Variants in METTL17 observed in about 807,000 individuals in gnomAD.
METTL17 encodes ribosome assembly protein METTL17, mitochondrial.
A neutral mutation model predicts 59.4 loss-of-function variants in METTL17; 49 were observed. That is an observed-to-expected ratio of 0.82 (90% CI 0.66 to 1.05). METTL17 has a LOEUF of 1.05. Among genes scored for constraint, METTL17 ranks in the 50% least tolerant of loss-of-function variants. The probability of loss-of-function intolerance (pLI) is 0.00; values close to 1 mark genes in which losing one functional copy is unlikely to be tolerated. For synonymous variants in METTL17, 208 were observed against 209.2 expected, an observed-to-expected ratio of 0.99 and a Z score of 0.05; for missense variants, 555 against 578.4, an observed-to-expected ratio of 0.96 and a Z score of 0.41.
intron 3 of METTL17, chr14:20,990,841 T>A: frequency 1.9e-6 from 1 of 521,606 alleles, no homozygotes; most frequent in Non-Finnish European, 3.3e-6. Context: ...GTTGTTTTGT[T>A]TTTGCTTTGA....
At chr14:20,992,284 T>A in intron 4 of METTL17, 79 bp downstream of exon 4, 1 of 901,678 alleles carries the variant, frequency 1.1e-6, no homozygotes, top group Non-Finnish European at 1.8e-6. Context: ...AATTACACAA[T>A]CAATTTAGTA....
At chr14:20,995,759 C>G in intron 10 of METTL17, 142 bp from the exon 11 acceptor site, 1 of 656,206 alleles carries the variant, frequency 1.5e-6, no homozygotes, top group East Asian at 2.7e-5. Context: ...ATTAAAGATG[C>G]AGCCAGCTTA....
At chr14:20,992,028 G>A (rs1272612750) in intron 3 of METTL17, 96 bp from the exon 4 acceptor site, 2 of 1,097,830 alleles carry the variant, frequency 1.8e-6, no homozygotes, top group South Asian at 1.4e-5. Flanking sequence ...TTTCTTAGGT[G>A]GAGTCGGGGA....
At chr14:20,994,945 C>A (rs761361198) in intron 9 of METTL17, 44 bp downstream of exon 9, 1 of 1,441,394 alleles carries the variant, frequency 6.9e-7, no homozygotes, top group Non-Finnish European at 9.7e-7. Flanking sequence ...GAAGCAGCTT[C>A]ATGGATTTCA....
Position 20,996,944 on chromosome 14 carries a change from C to T in METTL17, c.*54C>T. The T allele has an allele frequency of 6.4e-7, 1 of 1,556,480 alleles. No homozygotes were observed. Among genetic ancestry groups the T allele is most frequent in the Admixed American group, 1.7e-5 (1 of 58,016 alleles). On this transcript the variant is annotated 3_prime_UTR_variant, in exon 14 of 14. Coordinates refer to ENST00000339374, the MANE Select transcript of METTL17 (RefSeq NM_022734.3). ...ATCGTGCCTGCCAGGGCTGAAGCTG[C>T]CTGGTATCCAGGAGGGGAATGCTGG... is the stretch of plus-strand genomic sequence containing the variant.
At chr14:20,993,501 T>C (rs752666208) in intron 6 of METTL17, 2 of 321,326 alleles carry the variant, frequency 6.2e-6, no homozygotes, top group African/African-American at 4.3e-5. Flanking sequence ...TTTGAAACGG[T>C]GTCTCACTCT....
chr14:20,990,603 G>T lies in METTL17; in HGVS notation c.364+5G>T, dbSNP rs1222285783. On this transcript the variant is annotated splice_donor_5th_base_variant and intron_variant, in intron 3 of 13. Coordinates refer to ENST00000339374, the MANE Select transcript of METTL17 (RefSeq NM_022734.3). The stretch of plus-strand genomic sequence containing the variant: ...AAAAATTCCTGGAAAACCCAGGTAG[G>T]ACTTAAGAATAATTAAAAAGTGGGC... The T allele has an allele frequency of 1.9e-6, 3 of 1,613,556 alleles. No homozygotes were observed. Among genetic ancestry groups the T allele is most frequent in the Non-Finnish European group, 1.7e-6 (2 of 1,179,918 alleles).
At position 20,994,009 on chromosome 14, in the gene METTL17, ATG is replaced by A; in HGVS notation, c.650_651del (p.Val217GlyfsTer43). 1 of 1,613,748 alleles carries A rather than the reference ATG, an allele frequency of 6.2e-7. No individual in the cohort carries two copies. The highest frequency in any genetic ancestry group is 8.5e-7 in the Non-Finnish European group (1 of 1,179,846). ...TTGGGGCCAGAGCCTACGTGAATAT[ATG>A]TGTGTGGACAGATCAGCTGCCATGT... ...SIWGQSLREY[M>X]CVDRSAAMLV... is the part of the protein sequence containing the mutation. On this transcript the variant is annotated frameshift_variant, in exon 7 of 14. Transcript: ENST00000339374. LOFTEE classifies it high-confidence loss of function.
intron 11 of METTL17, 34 bp downstream of exon 11, chr14:20,995,985 A>T: frequency 6.2e-7 from 1 of 1,611,472 alleles, no homozygotes; most frequent in Non-Finnish European, 8.5e-7. Flanking sequence ...CACCACACGG[A>T]TCTGAACTTA....
At chr14:20,990,185 CT>C (rs1879951624) in intron 1 of METTL17, 44 bp from the exon 2 acceptor site, 1 of 1,613,270 alleles carries the variant, frequency 6.2e-7, no homozygotes, top group African/African-American at 1.3e-5. Flanking sequence ...TTGCCAGCAA[CT>C]TTCCTTTCTG....
intron 2 of METTL17, 24 bp from the exon 3 acceptor site, chr14:20,990,440 C>G (rs781196860): frequency 1.2e-6 from 2 of 1,613,710 alleles, no homozygotes; most frequent in Non-Finnish European, 1.7e-6. Context: ...GCAAGTGATT[C>G]CGCTTTTCGT....
intron 1 of METTL17, 56 bp downstream of exon 1, chr14:20,990,133 C>T: frequency 1.2e-6 from 2 of 1,611,148 alleles, no homozygotes; most frequent in Non-Finnish European, 8.5e-7. Context: ...GAGACATCTC[C>T]GCGCAGAGGA....
In METTL17 at chr14:20,996,749, G is replaced by A. The variant is rs1880407393; in HGVS notation, c.1266-36G>A. ...TGACCAAAATCAGTGGGATGTGGCA[G>A]GAAGCTGCAGCCCACGCCAGCATCT... On this transcript the variant is annotated intron_variant, in intron 13 of 13. Transcript: ENST00000339374. 1 of 1,614,116 alleles carries A rather than the reference G, an allele frequency of 6.2e-7. No individual in the cohort carries two copies. The highest frequency in any genetic ancestry group is 1.3e-5 in the African/African-American group (1 of 74,952).
chr14:20,993,706 C>T (rs1006021023), intron 6 of METTL17: 7 of 265,436 alleles, frequency 2.6e-5, no homozygotes, highest in Non-Finnish European at 4.3e-5. Flanking sequence ...AACTCCTGAC[C>T]TTGTGATCCG....
In METTL17 at chr14:20,996,333, G is replaced by A. The variant is rs750003467; in HGVS notation, c.1080+41G>A. ...TATTGCAGCAGGAAGCAAACATCCT[G>A]GAAAAACAGGAAGAAAAAGAATCAG... is the stretch of plus-strand genomic sequence containing the variant. On this transcript the variant is annotated intron_variant, in intron 12 of 13. Coordinates refer to ENST00000339374, the MANE Select transcript of METTL17 (RefSeq NM_022734.3). 5.1e-6 allele frequency: 8 copies of A among 1,582,246 alleles called. No homozygotes were observed. The East Asian group carries it at 8.9e-5, about 18-fold the overall frequency.
intron 3 of METTL17, chr14:20,990,810 T>TTATGTTTG (rs1555321030): frequency 6.6e-6 from 3 of 452,896 alleles, no homozygotes; most frequent in African/African-American, 2.1e-5. Context: ...GTATACTGTT[T>TTATGTTTG]TTTGTTTGTT....
rs377651601 is a variant in METTL17 at position 20,994,595 on chromosome 14, T to C, written c.750T>C (p.Phe250=). The C allele has an allele frequency of 6.2e-6, 10 of 1,614,102 alleles. No homozygotes were observed. Among genetic ancestry groups the C allele is most frequent in the African/African-American group, 5.3e-5 (4 of 74,960 alleles). ...PYIPGVFFRQ[F]LPVSPKVQFD... Reference sequence around the variant, plus strand: ...TTCCAGGTGTCTTTTTCAGACAGTTTCTACCTGTATCACCCAAGGCAAGTG... The same window carrying C: ...TTCCAGGTGTCTTTTTCAGACAGTTCCTACCTGTATCACCCAAGGCAAGTG... Residue 250 remains phenylalanine, a synonymous_variant, in exon 8 of 14, where the codon TTT becomes TTC. Transcript: ENST00000339374.
chr14:20,992,365 A>T (rs1485188908), intron 4 of METTL17, 160 bp downstream of exon 4: 2 of 729,814 alleles, frequency 2.7e-6, no homozygotes, highest in East Asian at 2.6e-5. Context: ...CAAAGTTTTG[A>T]ACACTGAAGT....
intron 9 of METTL17, 58 bp downstream of exon 9, chr14:20,994,959 C>T (rs1309274981): frequency 7.3e-7 from 1 of 1,366,386 alleles, no homozygotes; most frequent in Non-Finnish European, 1.0e-6. Flanking sequence ...GATTTCATGC[C>T]TTTGCTCCTC....
Sources: gnomAD v4.1 joint callset for allele counts on GRCh38, gnomAD v4.1.1 for gene constraint, MANE v1.5 for transcripts, NCBI Gene and HGNC (gene_info 2026-07-23, HGNC 2026-07-21) for gene names.